MYO5C: variants seen among roughly 807,000 people sequenced by gnomAD.
The protein encoded by MYO5C is myosin VC.
Under a neutral mutation model 235.7 loss-of-function variants are expected in MYO5C, and 194 were observed. The ratio of observed to expected loss-of-function variants is 0.82; its 90% CI spans 0.73 to 0.93. The LOEUF is 0.93. Among genes scored for constraint, MYO5C ranks in the 40% least tolerant of loss-of-function variants. The pLI, the probability that MYO5C is intolerant of heterozygous loss-of-function variation, is 0.00. For synonymous variants in MYO5C, 707 were observed against 754.8 expected (o/e 0.94, Z 1.04); for missense variants, 2,038 against 2,127.2 (o/e 0.96, Z 0.82).
rs2035896656 is a variant in MYO5C at position 52,229,255 on chromosome 15, AAGACT to A, written c.3080_3084del (p.Gln1027LeufsTer6). 6.2e-7 allele frequency: 1 copy of A among 1,614,170 alleles called. No individual in the cohort carries two copies. Among genetic ancestry groups the A allele is most frequent in the Non-Finnish European group, 8.5e-7 (1 of 1,180,032 alleles). On this transcript the variant is annotated frameshift_variant, in exon 25 of 41. Coordinates refer to ENST00000261839, the MANE Select transcript of MYO5C (RefSeq NM_018728.4). LOFTEE classifies it high-confidence loss of function. The stretch of plus-strand genomic sequence containing the variant: ...TTGAGAGCTTTAATTTCTTCTTTCA[AAGACT>A]GAATCTGCTTCTCATAGTCTTGTGT...
At position 52,242,055 on chromosome 15, in the gene MYO5C, T is replaced by A. The variant is rs2036236537; in HGVS notation, c.2549A>T (p.Tyr850Phe). The change falls in exon 20 of 41, where the codon TAT (tyrosine) becomes TTT (phenylalanine). Residue 850 changes from tyrosine (Y) to phenylalanine (F), a missense_variant. Tyr to Phe is a conservative substitution (Grantham distance 22, BLOSUM62 3). Transcript: ENST00000261839. ...YSRGFLARRR[Y>F]RKMLEEHKAV... The stretch of plus-strand genomic sequence containing the variant: ...GACAGAGGTTGGCCTCACCTTTCGA[T>A]ACCTCCTCCTTGCCAGGAATCCTCG... 1.2e-6 allele frequency: 2 copies of A among 1,610,946 alleles called. No homozygotes were observed. The highest frequency in any genetic ancestry group is 1.7e-5 in the Admixed American group (1 of 59,844).
chr15:52,224,924 A>G lies in MYO5C; in HGVS notation c.3423T>C (p.Tyr1141=). ...LNEDGELWFA[Y]EGLKKATRVL... ...ACCGTGTTGCTTTCTTTAGTCCTTC[A>G]TAAGCAAACCAAAGTTCTCCATCCT... Residue 1141 remains tyrosine (Y), a synonymous_variant, in exon 28 of 41, where the codon TAT becomes TAC. Coordinates refer to ENST00000261839, the MANE Select transcript of MYO5C (RefSeq NM_018728.4). 6.2e-7 allele frequency: 1 copy of G among 1,613,996 alleles called. No individual in the cohort carries two copies. The highest frequency in any genetic ancestry group is 8.5e-7 in the Non-Finnish European group (1 of 1,179,942).
At chr15:52,257,290 C>T (rs1033484086) in intron 10 of MYO5C, among the ~76,000 whole-genome samples, 2 of 152,202 alleles carry the variant, frequency 1.3e-5, no homozygotes, top group African/African-American at 4.8e-5. Context: ...CAGCACACCC[C>T]ATCAGGGACG....
At chr15:52,282,468 A>G (rs529942067) in intron 2 of MYO5C, among the ~76,000 whole-genome samples, 7 of 152,352 alleles carry the variant, frequency 4.6e-5, no homozygotes, top group Non-Finnish European at 8.8e-5. Context: ...AAAATGGCGA[A>G]TCACTTTTCA....
chr15:52,262,836 C>A (rs941924130), intron 9 of MYO5C, among the ~76,000 whole-genome samples: 1 of 152,224 alleles, frequency 6.6e-6, no homozygotes, highest in Non-Finnish European at 1.5e-5. Context: ...TTATTACAGA[C>A]TGAACATTTG....
In MYO5C at chr15:52,248,719, T is replaced by C; in HGVS notation, c.1727A>G (p.Glu576Gly). The C allele has an allele frequency of 1.9e-6, 3 of 1,614,068 alleles. No homozygotes were observed. Among genetic ancestry groups the C allele is most frequent in the South Asian group, 2.2e-5 (2 of 91,084 alleles). The change falls in exon 14 of 41, where the codon GAA becomes GGA. Residue 576 changes from glutamate to glycine, a missense_variant. Physicochemically the swap from Glu to Gly is moderately conservative, Grantham distance 98. Transcript: ENST00000261839. ...NRDTVYDMLVEILRASKFHLC... is the reference protein window; with the variant it reads ...NRDTVYDMLVGILRASKFHLC... Reference sequence around the variant, plus strand: ...ACAGACCTTGCTTGCTCTCAGGATTTCAACCAGCATGTCATAGACGGTGTC... The same window carrying C: ...ACAGACCTTGCTTGCTCTCAGGATTCCAACCAGCATGTCATAGACGGTGTC...
In MYO5C at chr15:52,194,730, C is replaced by T. The variant is rs147134124; in HGVS notation, c.5076+647G>A. The stretch of plus-strand genomic sequence containing the variant: ...ATCATATATAACCATATATTATATA[C>T]GCCATATTTTAATATATATGCTATA... On this transcript the variant is annotated intron_variant, in intron 40 of 40. Coordinates refer to ENST00000261839, the MANE Select transcript of MYO5C (RefSeq NM_018728.4). Among the ~76,000 whole-genome samples the T allele has an allele frequency of 2.3e-4, 34 of 151,036 alleles. No individual in the cohort carries two copies. The East Asian group carries it at 2.9e-3, about 13-fold the overall frequency.
At chr15:52,229,053 G>A (rs1225771840) in intron 25 of MYO5C, 80 bp downstream of exon 25, 5 of 1,537,458 alleles carry the variant, frequency 3.3e-6, no homozygotes, top group Non-Finnish European at 4.4e-6. Context: ...GATGCTTTTA[G>A]CTGTCTAATC....
In MYO5C at chr15:52,192,905, G is replaced by T. The variant is rs539640849; in HGVS notation, c.*997C>A. 9 of 152,246 alleles carry T rather than the reference G, an allele frequency of 5.9e-5. No homozygotes were observed. The highest frequency in any genetic ancestry group is 1.9e-4 in the African/African-American group (8 of 41,542). 9.4% of individuals were successfully genotyped at this position (152,246 alleles called of 1,614,324 possible). The stretch of plus-strand genomic sequence containing the variant: ...AATATGTTGGCAGGTAAGATTTGAA[G>T]TTCTTTCAGAGAAGATAAACGGCAT... On this transcript the variant is annotated 3_prime_UTR_variant, in exon 41 of 41. Transcript: ENST00000261839.
At position 52,253,312 on chromosome 15, in the gene MYO5C, G is replaced by A; in HGVS notation, c.1536+5C>T. ...CTGAAAAAAACAATTATTCTTAAAA[G>A]TTACCAAACATTCTTCATCCAGTAA... On this transcript the variant is annotated splice_donor_5th_base_variant and intron_variant, in intron 12 of 40. Coordinates refer to ENST00000261839, the MANE Select transcript of MYO5C (RefSeq NM_018728.4). 6.2e-7 allele frequency: 1 copy of A among 1,600,840 alleles called. No individual in the cohort carries two copies. Among genetic ancestry groups the A allele is most frequent in the Non-Finnish European group, 8.5e-7 (1 of 1,175,408 alleles).
Position 52,246,035 on chromosome 15 carries a change from A to G in MYO5C, c.1987T>C (p.Ser663Pro), listed in dbSNP as rs1394193365. Residue 663 changes from serine (S) to proline (P), a missense_variant, in exon 17 of 41, where the codon TCC becomes CCC. Coordinates refer to ENST00000261839, the MANE Select transcript of MYO5C (RefSeq NM_018728.4). The part of the protein sequence containing the change: ...NDEKLPFEFD[S>P]KRIVQQLRAC... ...CGCAGCTGCTGAACAATTCTTTTGG[A>G]GTCAAATCTTTAAAAAGACAATGAT... 6.2e-7 allele frequency: 1 copy of G among 1,613,934 alleles called. No homozygotes were observed. The highest frequency in any genetic ancestry group is 2.2e-5 in the East Asian group (1 of 44,886).
At position 52,282,906 on chromosome 15, in the gene MYO5C, T is replaced by C. The variant is rs763055512; in HGVS notation, c.28-14A>G. 6.5e-7 allele frequency: 1 copy of C among 1,547,110 alleles called. No individual in the cohort carries two copies. Among genetic ancestry groups the C allele is most frequent in the Non-Finnish European group, 8.9e-7 (1 of 1,119,114 alleles). On this transcript the variant is annotated splice_polypyrimidine_tract_variant and intron_variant, in intron 1 of 40. Coordinates refer to ENST00000261839, the MANE Select transcript of MYO5C (RefSeq NM_018728.4). Reference sequence around the variant, plus strand: ...GACCCTGTTGTACTGACCAACAGGATGAGAAAAGCTGAATTTCAGGACTTC... The same window carrying C: ...GACCCTGTTGTACTGACCAACAGGACGAGAAAAGCTGAATTTCAGGACTTC...
intron 1 of MYO5C, among the ~76,000 whole-genome samples, chr15:52,288,343 T>C (rs2140871955): frequency 6.6e-6 from 1 of 152,254 alleles, no homozygotes; most frequent in Non-Finnish European, 1.5e-5. Flanking sequence ...CTAACTATAA[T>C]TTAGGATTGG....
Position 52,260,891 on chromosome 15 carries a change from GT to G in MYO5C, c.1283del (p.His428ProfsTer17). 6.2e-7 allele frequency: 1 copy of G among 1,614,194 alleles called. No individual in the cohort carries two copies. Among genetic ancestry groups the G allele is most frequent in the Non-Finnish European group, 8.5e-7 (1 of 1,180,026 alleles). On this transcript the variant is annotated frameshift_variant, in exon 10 of 41. Coordinates refer to ENST00000261839, the MANE Select transcript of MYO5C (RefSeq NM_018728.4). LOFTEE classifies it high-confidence loss of function. ...AAATGTCCAAAACACCAATAAAAGT[GT>G]GCTGCTTGCCTGAAAACTGCAACGC... ...NQALQFSGKQHTFIGVLDIYG... is the reference protein window; with the variant it reads ...NQALQFSGKQXTFIGVLDIYG...
chr15:52,210,477 C>T (rs2035421297), intron 35 of MYO5C, among the ~76,000 whole-genome samples: 1 of 152,046 alleles, frequency 6.6e-6, no homozygotes, highest in African/African-American at 2.4e-5. Flanking sequence ...CATTGTAATT[C>T]CCAGAAACGG....
In MYO5C at chr15:52,253,379, G is replaced by T. The variant is rs1467091169; in HGVS notation, c.1474C>A (p.Pro492Thr). Reference sequence around the variant, plus strand: ...TTTGCTTCAATCAGGTCAATAACTGGTTGATTGTCATAAAAATCTATCAGC... The same window carrying T: ...TTTGCTTCAATCAGGTCAATAACTGTTTGATTGTCATAAAAATCTATCAGC... ...WTLIDFYDNQ[P>T]VIDLIEAKMG... The change falls in exon 12 of 41, where the codon CCA becomes ACA. Residue 492 changes from proline (P) to threonine (T), a missense_variant. By Grantham distance (38) the Pro-to-Thr change is conservative (BLOSUM62 -1). Coordinates refer to ENST00000261839, the MANE Select transcript of MYO5C (RefSeq NM_018728.4). 2.5e-6 allele frequency: 4 copies of T among 1,613,028 alleles called. No individual in the cohort carries two copies. Among genetic ancestry groups the T allele is most frequent in the Non-Finnish European group, 3.4e-6 (4 of 1,179,082 alleles).
chr15:52,248,586 TCACA>T (rs35030676), intron 14 of MYO5C, 110 bp downstream of exon 14: 144 of 645,554 alleles, frequency 2.2e-4, no homozygotes, highest in Admixed American at 5.0e-4. Context: ...TCCAGAGAGT[TCACA>T]CACACACACA....
intron 34 of MYO5C, 150 bp downstream of exon 34, chr15:52,213,038 A>G (rs927485750): frequency 2.0e-5 from 12 of 608,494 alleles, no homozygotes; most frequent in Non-Finnish European, 2.7e-5. Flanking sequence ...TAACAGGTCA[A>G]CAGTGCTGAG....
chr15:52,247,275 C>T (rs918098852), intron 15 of MYO5C, among the ~76,000 whole-genome samples, 183 bp downstream of exon 15: 19 of 152,184 alleles, frequency 1.2e-4, no homozygotes, highest in African/African-American at 4.6e-4. Flanking sequence ...TGCTCCAGTG[C>T]GTGCTGCCTT....
Sources: allele counts gnomAD v4.1 joint callset (sites outside exome capture counted in the v4.1 genomes callset), GRCh38; gene constraint gnomAD v4.1.1; transcripts MANE v1.5; gene names NCBI Gene and HGNC (gene_info 2026-07-23, HGNC 2026-07-21).